The following CAMK2A variants were observed in gnomAD, a reference collection of about 807,000 sequenced individuals.
CAMK2A encodes calcium/calmodulin-dependent protein kinase type II subunit alpha.
A neutral mutation model predicts 79.2 loss-of-function variants in CAMK2A; 7 were observed. The ratio of observed to expected loss-of-function variants is 0.09; its 90% CI spans 0.05 to 0.17. The LOEUF (loss-of-function observed/expected upper bound fraction) is 0.17. CAMK2A is among the 10% of genes least tolerant of loss of function. The probability of loss-of-function intolerance (pLI) is 1.00; values close to 1 mark genes in which losing one functional copy is unlikely to be tolerated. For synonymous variants in CAMK2A, 242 were observed against 251.7 expected, an observed-to-expected ratio of 0.96 and a Z score of 0.36; for missense variants, 214 against 646.4, an observed-to-expected ratio of 0.33 and a Z score of 7.25.
rs1225190357 is a variant in CAMK2A, at chr5:150,256,667, G to A, written c.339-22C>T. On this transcript the variant is annotated intron_variant, in intron 5 of 18. Coordinates refer to ENST00000671881, the MANE Select transcript of CAMK2A (RefSeq NM_015981.4). The surrounding 1 kb of genome is among the most constrained non-coding windows in gnomAD (Gnocchi z 4.6). ...GTGACTAGGGAGAGAGAGAGGAAGGGGTCATGGTGGTGTGAGCACAGGCCT... is the reference window on the plus strand; with the variant it reads ...GTGACTAGGGAGAGAGAGAGGAAGGAGTCATGGTGGTGTGAGCACAGGCCT... 1.2e-6 allele frequency: 2 copies of A among 1,612,032 alleles called. No individual in the cohort carries two copies. Among genetic ancestry groups the A allele is most frequent in the Non-Finnish European group, 1.7e-6 (2 of 1,178,160 alleles).
intron 1 of CAMK2A, among the ~76,000 whole-genome samples, chr5:150,277,643 C>G (rs1192842160): frequency 6.6e-6 from 1 of 152,216 alleles, no homozygotes; most frequent in Non-Finnish European, 1.5e-5. Flanking sequence ...GAAGGATACC[C>G]TGTACATCCC....
intron 2 of CAMK2A, chr5:150,265,225 C>A: frequency 1.8e-6 from 1 of 558,866 alleles, no homozygotes; most frequent in Non-Finnish European, 3.3e-6. Flanking sequence ...GTGACTCAAG[C>A]ACATCCCTCG....
At chr5:150,238,675 C>G in intron 15 of CAMK2A, 25 bp downstream of exon 15, 1 of 1,591,082 alleles carries the variant, frequency 6.3e-7, no homozygotes, top group Non-Finnish European at 8.6e-7. Flanking sequence ...TCTAAGGGGT[C>G]CCGACACTGA....
intron 1 of CAMK2A, among the ~76,000 whole-genome samples, chr5:150,287,174 C>T (rs1301816976): frequency 1.3e-5 from 2 of 152,188 alleles, no homozygotes; most frequent in Non-Finnish European, 2.9e-5. Flanking sequence ...ACACAGACAT[C>T]AGGGGTGCGG....
intron 13 of CAMK2A, among the ~76,000 whole-genome samples, chr5:150,241,463 C>T (rs1194011117): frequency 2.2e-4 from 29 of 131,254 alleles, no homozygotes; most frequent in African/African-American, 7.8e-4. Context: ...TCCGTTCCCT[C>T]GCCCTCCCCT....
At chr5:150,280,712 T>C (rs1010803869) in intron 1 of CAMK2A, among the ~76,000 whole-genome samples, 3 of 152,106 alleles carry the variant, frequency 2.0e-5, no homozygotes, top group African/African-American at 7.2e-5. Context: ...CAGGTAGCAT[T>C]TGGCCCCACT....
At chr5:150,287,305 C>A (rs970746790) in intron 1 of CAMK2A, among the ~76,000 whole-genome samples, 1 of 152,172 alleles carries the variant, frequency 6.6e-6, no homozygotes, top group Non-Finnish European at 1.5e-5. Context: ...TAGGTTTGTG[C>A]GTTTTTCTGG....
intron 1 of CAMK2A, 78 bp downstream of exon 1, chr5:150,289,486 G>T: frequency 9.1e-7 from 1 of 1,104,916 alleles, no homozygotes; most frequent in Non-Finnish European, 1.4e-6. Context: ...CCCAAGCACT[G>T]CAGGCACACA....
At position 150,239,718 on chromosome 5, in the gene CAMK2A, T is replaced by C. The variant is rs1381339494; in HGVS notation, c.1003A>G (p.Ser335Gly). The change falls in exon 14 of 19, where the codon AGC becomes GGC. Residue 335 changes from serine to glycine, a missense_variant. Around this residue, in one of 4 missense-constraint regions of CAMK2A, gnomAD observed 123 missense variants for 242.4 expected, o/e 0.51. Transcript: ENST00000671881. ...DGVKKRKSSS[S>G]VQLMESSEST... The stretch of plus-strand genomic sequence containing the variant: ...CAGACACTCACCATTAACTGAACGC[T>C]GGAACTGGACTTTCTTTTCTGGAAA... The C allele has an allele frequency of 1.2e-6, 2 of 1,613,824 alleles. No homozygotes were observed. Among genetic ancestry groups the C allele is most frequent in the East Asian group, 2.2e-5 (1 of 44,880 alleles).
At chr5:150,258,964 G>A (rs1407633266) in intron 3 of CAMK2A, among the ~76,000 whole-genome samples, 1 of 152,090 alleles carries the variant, frequency 6.6e-6, no homozygotes, top group Non-Finnish European at 1.5e-5. Flanking sequence ...TGGATCGCCT[G>A]AGGTCAGGCG....
chr5:150,239,830 T>A, intron 13 of CAMK2A, 94 bp from the exon 14 acceptor site: 1 of 1,079,110 alleles, frequency 9.3e-7, no homozygotes, highest in South Asian at 1.3e-5. Context: ...GGGAGGAGGA[T>A]GGGCCTCGGG....
intron 6 of CAMK2A, among the ~76,000 whole-genome samples, chr5:150,254,755 C>T (rs943446866): frequency 3.9e-5 from 6 of 152,248 alleles, no homozygotes; most frequent in Admixed American, 1.3e-4. Flanking sequence ...TTTCACTTCT[C>T]TGAGCTTTAG....
chr5:150,261,414 G>T (rs1185239963), intron 3 of CAMK2A, among the ~76,000 whole-genome samples: 1 of 152,178 alleles, frequency 6.6e-6, no homozygotes, highest in Non-Finnish European at 1.5e-5. Context: ...AGATTCAAGG[G>T]CCATAGGCTA....
chr5:150,261,322 C>T (rs1756296509), intron 3 of CAMK2A, among the ~76,000 whole-genome samples: 1 of 152,138 alleles, frequency 6.6e-6, no homozygotes, highest in South Asian at 2.1e-4. Context: ...GACAGGATTT[C>T]TTGTTTCAGG....
intron 13 of CAMK2A, 40 bp from the exon 14 acceptor site, chr5:150,239,776 C>G: frequency 6.3e-7 from 1 of 1,594,336 alleles, no homozygotes; most frequent in Non-Finnish European, 8.6e-7. Flanking sequence ...GGAAAAGACA[C>G]AGCGTGAAAA....
intron 11 of CAMK2A, among the ~76,000 whole-genome samples, chr5:150,249,573 G>T (rs1755736468): frequency 6.6e-6 from 1 of 150,484 alleles, no homozygotes. Flanking sequence ...TTTTGAGACA[G>T]AGTCTCTCTC....
At chr5:150,262,509 G>C (rs924773084) in intron 3 of CAMK2A, among the ~76,000 whole-genome samples, 2 of 152,004 alleles carry the variant, frequency 1.3e-5, no homozygotes, top group Non-Finnish European at 2.9e-5. Context: ...TCCCGCCTGC[G>C]CATCGCCACC....
intron 8 of CAMK2A, 34 bp from the exon 9 acceptor site, chr5:150,251,878 G>C (rs1417362838): frequency 1.9e-6 from 3 of 1,565,232 alleles, no homozygotes; most frequent in Admixed American, 1.7e-5. Context: ...TCAACCCCCT[G>C]TGGGGAGGAG....
chr5:150,265,092 G>T, intron 2 of CAMK2A, 77 bp from the exon 3 acceptor site: 1 of 1,119,386 alleles, frequency 8.9e-7, no homozygotes, highest in South Asian at 1.3e-5. Flanking sequence ...TCAAAGCCTC[G>T]TATTATCTCC....
Sources: allele counts gnomAD v4.1 joint callset (sites outside exome capture counted in the v4.1 genomes callset), GRCh38; gene constraint gnomAD v4.1.1; regional missense constraint gnomAD v4.1.1; non-coding constraint Gnocchi (gnomAD v3.1); transcripts MANE v1.5; gene names NCBI Gene and HGNC (gene_info 2026-07-23, HGNC 2026-07-21).